TCTN2: variants seen among roughly 807,000 people sequenced by gnomAD.
TCTN2 encodes tectonic family member 2.
Under a neutral mutation model 83.4 loss-of-function variants are expected in TCTN2, and 66 were observed. That is an observed-to-expected ratio of 0.79 (90% CI 0.65 to 0.97). The LOEUF (loss-of-function observed/expected upper bound fraction) is 0.97. TCTN2 is among the 50% of genes least tolerant of loss of function. The pLI, the probability that TCTN2 is intolerant of heterozygous loss-of-function variation, is 0.00. For missense variants in TCTN2, 794 were observed against 858.1 expected (o/e 0.93, Z 0.93); for synonymous variants, 301 against 326.7 (o/e 0.92, Z 0.85).
At chr12:123,700,313 C>G (rs1327472823) in intron 14 of TCTN2, among the ~76,000 whole-genome samples, 1 of 152,196 alleles carries the variant, frequency 6.6e-6, no homozygotes, top group Non-Finnish European at 1.5e-5. Flanking sequence ...GCCATTGCGC[C>G]TGGCCAACAA....
chr12:123,707,121 A>G (rs774511955), intron 17 of TCTN2, 48 bp downstream of exon 17: 1 of 1,552,560 alleles, frequency 6.4e-7, no homozygotes, highest in East Asian at 2.3e-5. Flanking sequence ...GTCAATTTAA[A>G]AAAATTTTTT....
intron 3 of TCTN2, 23 bp downstream of exon 3, chr12:123,672,155 T>C (rs1271719423): frequency 3.1e-6 from 5 of 1,609,308 alleles, no homozygotes; most frequent in Non-Finnish European, 4.3e-6. Flanking sequence ...GTAAACCTTC[T>C]CTGTAGCCTG....
rs773680296 is a variant in TCTN2 at position 123,707,037 on chromosome 12, C to T, written c.1948C>T (p.Pro650Ser). 2.7e-5 allele frequency: 43 copies of T among 1,613,644 alleles called. No homozygotes were observed. The highest frequency in any genetic ancestry group is 3.4e-5 in the Non-Finnish European group (40 of 1,179,998). Residue 650 changes from proline (P) to serine (S), a missense_variant, in exon 17 of 18, where the codon CCG becomes TCG. Coordinates refer to ENST00000303372, the MANE Select transcript of TCTN2 (RefSeq NM_024809.5). ...YDCNRNEVCW[P>S]QLLYPWTQYY... is the part of the protein sequence containing the mutation. Reference sequence around the variant, plus strand: ...CTGCAACAGAAATGAGGTGTGTTGGCCGCAGCTTCTATATCCATGGACTCA... The same window carrying T: ...CTGCAACAGAAATGAGGTGTGTTGGTCGCAGCTTCTATATCCATGGACTCA...
intron 4 of TCTN2, 92 bp from the exon 5 acceptor site, chr12:123,679,097 G>T: frequency 8.1e-7 from 1 of 1,229,774 alleles, no homozygotes; most frequent in Non-Finnish European, 1.2e-6. Context: ...GCGCCTGGCC[G>T]ATAATTCAGC....
intron 9 of TCTN2, 121 bp from the exon 10 acceptor site, chr12:123,694,721 G>GGC: frequency 9.7e-7 from 1 of 1,028,194 alleles, no homozygotes; most frequent in Non-Finnish European, 1.5e-6. Context: ...TAGGGAGCTG[G>GGC]AGATAGGGAG....
At chr12:123,682,239 A>C (rs1955908307) in intron 5 of TCTN2, among the ~76,000 whole-genome samples, 1 of 151,848 alleles carries the variant, frequency 6.6e-6, no homozygotes, top group Non-Finnish European at 1.5e-5. Flanking sequence ...CCCAAAGTGC[A>C]GGGATTATAG....
intron 15 of TCTN2, 151 bp downstream of exon 15, chr12:123,704,839 T>C (rs934695358): frequency 1.2e-6 from 1 of 833,464 alleles, no homozygotes; most frequent in African/African-American, 1.7e-5. Context: ...ATGGAATATG[T>C]ACGAACTATG....
intron 13 of TCTN2, among the ~76,000 whole-genome samples, chr12:123,697,754 A>T (rs976930318): frequency 1.3e-5 from 2 of 152,102 alleles, no homozygotes; most frequent in African/African-American, 4.8e-5. Flanking sequence ...TTGGCCTCCC[A>T]AAGTGCTGGG....
In TCTN2 at chr12:123,699,774, T is replaced by G. The variant is rs2135852961; in HGVS notation, c.1576T>G (p.Tyr526Asp). The G allele has an allele frequency of 6.2e-7, 1 of 1,614,198 alleles. No individual in the cohort carries two copies. The highest frequency in any genetic ancestry group is 8.5e-7 in the Non-Finnish European group (1 of 1,180,024). ...THVAMRGNSD[Y>D]ADLSDGWLEI... ...CGTTGCAATGAGAGGCAACTCCGAT[T>G]ACGCTGATCTTAGTGATGGCTGGCT... is the stretch of plus-strand genomic sequence containing the variant. Residue 526 changes from tyrosine to aspartate, a missense_variant, in exon 14 of 18, where the codon TAC becomes GAC. By Grantham distance (160) the Tyr-to-Asp change is radical. Coordinates refer to ENST00000303372, the MANE Select transcript of TCTN2 (RefSeq NM_024809.5).
intron 17 of TCTN2, 133 bp from the exon 18 acceptor site, chr12:123,707,471 C>T: frequency 1.2e-6 from 1 of 847,432 alleles, no homozygotes. Context: ...GAACTGGCCT[C>T]AAGTGATCCG....
chr12:123,671,139 T>A lies in TCTN2; in HGVS notation c.-102T>A. 1 of 1,166,252 alleles carries A rather than the reference T, an allele frequency of 8.6e-7. No individual in the cohort carries two copies. Among genetic ancestry groups the A allele is most frequent in the Admixed American group, 2.0e-5 (1 of 50,524 alleles). 72.2% of individuals were successfully genotyped at this position (1,166,252 alleles called of 1,614,324 possible). On this transcript the variant is annotated 5_prime_UTR_variant, in exon 1 of 18. An upstream start codon of the reference 5' UTR is lost. Transcript: ENST00000303372. Reference sequence around the variant, plus strand: ...TAGCTCCGGGCGTTCGCTTGCAAGATGGCGGCGGCGGGGCAGTGGCTGCTG... The same window carrying A: ...TAGCTCCGGGCGTTCGCTTGCAAGAAGGCGGCGGCGGGGCAGTGGCTGCTG...
At chr12:123,696,214 T>C in intron 11 of TCTN2, 2 of 594,920 alleles carry the variant, frequency 3.4e-6, no homozygotes, top group East Asian at 2.9e-5. Context: ...TAGTAACAAG[T>C]TGCTGTAAAT....
chr12:123,671,360 C>G (rs376471085), intron 1 of TCTN2, 38 bp downstream of exon 1: 44 of 1,607,202 alleles, frequency 2.7e-5, no homozygotes, highest in Non-Finnish European at 3.6e-5. Flanking sequence ...TGGGCCGGGG[C>G]TGAGGGGACT....
chr12:123,697,663 T>C (rs1298212298), intron 13 of TCTN2, among the ~76,000 whole-genome samples: 1 of 151,438 alleles, frequency 6.6e-6, no homozygotes, highest in East Asian at 1.9e-4. Context: ...CCACGCCTGC[T>C]GATTTTTTTT....
chr12:123,678,035 C>T (rs1280683709), intron 4 of TCTN2, among the ~76,000 whole-genome samples: 1 of 152,180 alleles, frequency 6.6e-6, no homozygotes, highest in Non-Finnish European at 1.5e-5. Flanking sequence ...GTTCCCATGG[C>T]AGATCCATTT....
Position 123,687,499 on chromosome 12 carries a change from T to C in TCTN2, c.764+464T>C, listed in dbSNP as rs531805135. ...AGTGAAACCCTGTCTCTACTAAAAATACAAAAAATTAGCCAGGCGTGGTGG... is the reference window on the plus strand; with the variant it reads ...AGTGAAACCCTGTCTCTACTAAAAACACAAAAAATTAGCCAGGCGTGGTGG... On this transcript the variant is annotated intron_variant, in intron 6 of 17. Coordinates refer to ENST00000303372, the MANE Select transcript of TCTN2 (RefSeq NM_024809.5). Among the ~76,000 whole-genome samples the C allele has an allele frequency of 2.6e-5, 4 of 151,726 alleles. 1 individual carries two copies. In the South Asian group the frequency reaches 8.3e-4, roughly 31 times the overall value.
Position 123,688,101 on chromosome 12 carries a change from A to C in TCTN2, c.815A>C (p.Lys272Thr). ...SFEVYVDTDA[K>T]DFADFGYKQG... The stretch of plus-strand genomic sequence containing the variant: ...GAAGTATATGTGGATACTGACGCAA[A>C]AGACTTTGCAGACTTTGGTTACAAA... Residue 272 changes from lysine to threonine, a missense_variant, in exon 7 of 18, where the codon AAA (lysine) becomes ACA (threonine). By Grantham distance (78) the Lys-to-Thr change is moderately conservative. Coordinates refer to ENST00000303372, the MANE Select transcript of TCTN2 (RefSeq NM_024809.5). 1 of 1,614,190 alleles carries C rather than the reference A, an allele frequency of 6.2e-7. No individual in the cohort carries two copies. The highest frequency in any genetic ancestry group is 1.1e-5 in the South Asian group (1 of 91,086).
At chr12:123,699,093 C>T (rs1371595212) in intron 13 of TCTN2, among the ~76,000 whole-genome samples, 1 of 151,994 alleles carries the variant, frequency 6.6e-6, no homozygotes, top group African/African-American at 2.4e-5. Flanking sequence ...TAACTACCTC[C>T]TAAGTTTGGT....
At chr12:123,699,625 A>G in intron 13 of TCTN2, 79 bp from the exon 14 acceptor site, 1 of 1,218,632 alleles carries the variant, frequency 8.2e-7, no homozygotes, top group East Asian at 2.3e-5. Context: ...CTCGGAAGTG[A>G]AACCCGGACA....
Sources: gnomAD v4.1 joint callset for allele counts (sites outside exome capture counted in the v4.1 genomes callset) on GRCh38, gnomAD v4.1.1 for gene constraint, MANE v1.5 for transcripts, NCBI Gene and HGNC (gene_info 2026-07-23, HGNC 2026-07-21) for gene names.